SCFD2: variants seen among roughly 807,000 people sequenced by gnomAD.
SCFD2 encodes the protein sec1 family domain containing 2, also known as sec1 family domain-containing protein 2.
Under a neutral mutation model 58.9 loss-of-function variants are expected in SCFD2, and 54 were observed. The observed-to-expected ratio is 0.92, with a 90% CI of 0.74 to 1.15. SCFD2 has a LOEUF of 1.15. Ranked by LOEUF, SCFD2 falls within the 50% of genes most tolerant of loss-of-function variation. SCFD2 has a pLI of 0.00. For missense variants in SCFD2, 805 were observed against 836.6 expected, an observed-to-expected ratio of 0.96 and a Z score of 0.47; for synonymous variants, 321 against 335.9, an observed-to-expected ratio of 0.96 and a Z score of 0.49.
intron 8 of SCFD2, among the ~76,000 whole-genome samples, chr4:52,882,746 C>G (rs942205042): frequency 6.6e-6 from 1 of 152,162 alleles, no homozygotes; most frequent in African/African-American, 2.4e-5. Context: ...TTGCAGACGG[C>G]CTATTGTGAG....
At chr4:53,268,601 A>T (rs572776105) in intron 4 of SCFD2, among the ~76,000 whole-genome samples, 2 of 152,286 alleles carry the variant, frequency 1.3e-5, no homozygotes, top group Non-Finnish European at 2.9e-5. Context: ...TGAGGAGGGT[A>T]TCTGTGCTAT....
chr4:52,978,683 GA>G (rs372108980), intron 5 of SCFD2, among the ~76,000 whole-genome samples: 13,868 of 145,768 alleles, frequency 0.095, 835 homozygotes, highest in South Asian at 0.18. Context: ...AAAAAATGAA[GA>G]AAAAAAAAAG....
chr4:52,991,411 C>T lies in SCFD2; in HGVS notation c.1562-70541G>A, dbSNP rs562095173. ...TGATTTCGAAGTCCACATTTTTGCC[C>T]TTCCACCTTAGGAGGAGGGATTGGG... On this transcript the variant is annotated intron_variant, in intron 5 of 8. Coordinates refer to ENST00000401642, the MANE Select transcript of SCFD2 (RefSeq NM_152540.4). Among the ~76,000 whole-genome samples, 16 of 152,286 alleles carry T rather than the reference C, an allele frequency of 1.1e-4. 1 individual carries two copies. Among genetic ancestry groups the T allele is most frequent in the Non-Finnish European group, 1.8e-4 (12 of 68,016 alleles).
At chr4:52,889,521 C>A (rs899319208) in intron 7 of SCFD2, among the ~76,000 whole-genome samples, 15 of 152,214 alleles carry the variant, frequency 9.9e-5, no homozygotes, top group African/African-American at 3.4e-4. Context: ...AAGGCTTTTA[C>A]AACTTGGCTC....
chr4:53,210,664 G>A (rs1728580888), intron 4 of SCFD2, among the ~76,000 whole-genome samples: 1 of 151,980 alleles, frequency 6.6e-6, no homozygotes, highest in Admixed American at 6.6e-5. Context: ...TTAATAACGT[G>A]CATTATTCTT....
intron 2 of SCFD2, among the ~76,000 whole-genome samples, chr4:53,317,192 C>T (rs1362416753): frequency 2.0e-5 from 3 of 152,022 alleles, no homozygotes; most frequent in Non-Finnish European, 2.9e-5. Flanking sequence ...TTTCTAAACA[C>T]GTCATACTAA....
chr4:53,334,350 C>G (rs1359880993), intron 2 of SCFD2, among the ~76,000 whole-genome samples: 4 of 152,042 alleles, frequency 2.6e-5, no homozygotes, highest in Non-Finnish European at 5.9e-5. Context: ...TGGAACCAAC[C>G]CAAATGTCCA....
intron 5 of SCFD2, among the ~76,000 whole-genome samples, chr4:52,967,925 G>A (rs939263364): frequency 4.6e-5 from 7 of 152,088 alleles, no homozygotes; most frequent in Non-Finnish European, 8.8e-5. Flanking sequence ...AACTTCAGCC[G>A]GGGTCCTCTC....
intron 5 of SCFD2, among the ~76,000 whole-genome samples, chr4:53,053,704 C>T (rs1723248045): frequency 6.6e-6 from 1 of 152,146 alleles, no homozygotes; most frequent in Admixed American, 6.5e-5. Context: ...GCCTGCTGTC[C>T]ACCCAACACC....
chr4:53,016,837 G>A lies in SCFD2; in HGVS notation c.1562-95967C>T, dbSNP rs147522108. 2.1e-3 allele frequency among the ~76,000 whole-genome samples: 323 copies of A among 152,236 alleles called. 2 individuals carry two copies. Among genetic ancestry groups the A allele is most frequent in the African/African-American group, 7.5e-3 (313 of 41,534 alleles). Reference sequence around the variant, plus strand: ...AAATGATCAAGATCTGGCCAGGTGCGGTGGCTTATACCTGTAATCCCAGCA... The same window carrying A: ...AAATGATCAAGATCTGGCCAGGTGCAGTGGCTTATACCTGTAATCCCAGCA... On this transcript the variant is annotated intron_variant, in intron 5 of 8. Coordinates refer to ENST00000401642, the MANE Select transcript of SCFD2 (RefSeq NM_152540.4).
intron 5 of SCFD2, among the ~76,000 whole-genome samples, chr4:53,040,862 G>C (rs1722881233): frequency 6.6e-6 from 1 of 152,054 alleles, no homozygotes; most frequent in Non-Finnish European, 1.5e-5. Flanking sequence ...TGAAAACAAA[G>C]GTTAAAAGAT....
intron 5 of SCFD2, among the ~76,000 whole-genome samples, chr4:53,026,079 AAAC>A (rs146280196): frequency 0.13 from 19,922 of 151,988 alleles, 2,056 homozygotes; most frequent in African/African-American, 0.29. Flanking sequence ...ACCACCAGAA[AAAC>A]AACAACAACA....
At chr4:53,102,700 C>T (rs140999696) in intron 5 of SCFD2, among the ~76,000 whole-genome samples, 58 of 151,778 alleles carry the variant, frequency 3.8e-4, no homozygotes, top group Admixed American at 7.2e-4. Flanking sequence ...ATCAGTTTGA[C>T]AAAAAAACAA....
At chr4:52,925,343 TATATATATATAC>T (rs948055892) in intron 5 of SCFD2, among the ~76,000 whole-genome samples, 2 of 136,200 alleles carry the variant, frequency 1.5e-5, no homozygotes, top group Non-Finnish European at 3.0e-5. Flanking sequence ...TAAAGCCATA[TATATATATATAC>T]ATATATATAT....
chr4:53,193,617 G>A (rs957649750), intron 4 of SCFD2, among the ~76,000 whole-genome samples: 11 of 151,982 alleles, frequency 7.2e-5, no homozygotes, highest in Non-Finnish European at 1.3e-4. Flanking sequence ...ACCAACAAAG[G>A]GAACTTTTGA....
At chr4:53,292,864 T>C (rs1731889516) in intron 3 of SCFD2, among the ~76,000 whole-genome samples, 1 of 151,196 alleles carries the variant, frequency 6.6e-6, no homozygotes, top group African/African-American at 2.4e-5. Flanking sequence ...CACTGAGGCC[T>C]GTCAGGGGTT....
intron 4 of SCFD2, among the ~76,000 whole-genome samples, chr4:53,175,530 T>C (rs2148940837): frequency 1.3e-5 from 2 of 152,316 alleles, no homozygotes; most frequent in Middle Eastern, 3.4e-3. Flanking sequence ...TAATTGAAAA[T>C]TGAAACTCCT....
At chr4:53,218,718 CT>C (rs1728945362) in intron 4 of SCFD2, among the ~76,000 whole-genome samples, 2 of 152,188 alleles carry the variant, frequency 1.3e-5, no homozygotes, top group South Asian at 4.1e-4. Context: ...GAGAGGCGCT[CT>C]GATTTTTAGA....
chr4:52,912,516 GAA>G (rs372433453), intron 6 of SCFD2, among the ~76,000 whole-genome samples: 1 of 146,680 alleles, frequency 6.8e-6, no homozygotes, highest in Non-Finnish European at 1.5e-5. Flanking sequence ...GGAATATGGG[GAA>G]AAAAAAAACC....
Sources: gnomAD v4.1 joint callset for allele counts (sites outside exome capture counted in the v4.1 genomes callset) on GRCh38, gnomAD v4.1.1 for gene constraint, MANE v1.5 for transcripts, NCBI Gene and HGNC (gene_info 2026-07-23, HGNC 2026-07-21) for gene names.